Variants in CAMKK1 observed in about 807,000 individuals in gnomAD.
CAMKK1 encodes calcium/calmodulin-dependent protein kinase kinase 1.
Under a neutral mutation model 63.5 loss-of-function variants are expected in CAMKK1, and 20 were observed. The ratio of observed to expected loss-of-function variants is 0.32; its 90% CI spans 0.22 to 0.46. The LOEUF is 0.46. Ranked by LOEUF, CAMKK1 falls within the 20% of genes least tolerant of loss-of-function variation. The pLI is 1.00. For missense variants in CAMKK1, 588 were observed against 658.1 expected (o/e 0.89, Z 1.17); for synonymous variants, 253 against 269.0 (o/e 0.94, Z 0.58).
In CAMKK1 at chr17:3,882,259, G is replaced by A. The variant is rs751203583; in HGVS notation, c.685+269C>T. 6.2e-7 allele frequency: 1 copy of A among 1,610,406 alleles called. No individual in the cohort carries two copies. Among genetic ancestry groups the A allele is most frequent in the Admixed American group, 1.7e-5 (1 of 59,748 alleles). On this transcript the variant is annotated intron_variant, in intron 7 of 15. Coordinates refer to ENST00000348335, the MANE Select transcript of CAMKK1 (RefSeq NM_032294.3). This position sits in a 1 kb window ranked among gnomAD's most constrained non-coding sequence, Gnocchi z 4.3. ...TGCAGCCTGCTTCCTGCATCTACCT[G>A]AGCGCGCAGCCCACGTGGATCCACT...
At chr17:3,865,710 A>G in intron 15 of CAMKK1, 198 bp downstream of exon 15, 1 of 1,419,314 alleles carries the variant, frequency 7.0e-7, no homozygotes, top group Non-Finnish European at 9.2e-7. Flanking sequence ...GGAATGAAGC[A>G]AGAGCTGGGC....
chr17:3,869,743 G>A (rs2054755840), intron 13 of CAMKK1, 58 bp downstream of exon 13: 1 of 1,603,372 alleles, frequency 6.2e-7, no homozygotes, highest in Non-Finnish European at 8.5e-7. Context: ...CTCCAGAAAG[G>A]GAAAGTGACT....
Position 3,890,797 on chromosome 17 carries a change from C to G in CAMKK1, c.-44+2142G>C, listed in dbSNP as rs797019779. ...TGCCAGGAACACACCTCCCTCTCCT[C>G]TGCTGCCTGGAGGACAGCTCAGACA... is the stretch of plus-strand genomic sequence containing the variant. On this transcript the variant is annotated intron_variant, in intron 1 of 15. Transcript: ENST00000348335. The surrounding 1 kb of genome is among the most constrained non-coding windows in gnomAD (Gnocchi z 6.5). 5.1e-6 allele frequency: 4 copies of G among 779,698 alleles called. No homozygotes were observed. The African/African-American group carries it at 6.7e-5, about 13-fold the overall frequency. 48.3% of individuals were successfully genotyped at this position (779,698 alleles called of 1,614,324 possible).
chr17:3,882,318 C>T lies in CAMKK1; in HGVS notation c.685+210G>A, dbSNP rs746083432. On this transcript the variant is annotated intron_variant, in intron 7 of 15. Transcript: ENST00000348335. The surrounding 1 kb of genome is among the most constrained non-coding windows in gnomAD (Gnocchi z 4.3). ...GCTCAGAGGGAAGCAGGGAGTGGGG[C>T]TTGGCGATATTTGTTGAATCTAACT... The T allele has an allele frequency of 1.9e-6, 3 of 1,613,982 alleles. No individual in the cohort carries two copies. The highest frequency in any genetic ancestry group is 2.2e-5 in the East Asian group (1 of 44,898).
chr17:3,885,394 G>A lies in CAMKK1; in HGVS notation c.294C>T (p.His98=), dbSNP rs564271369. Residue 98 remains histidine (H), a synonymous_variant, in exon 2 of 16, where the codon CAC becomes CAT. Coordinates refer to ENST00000348335, the MANE Select transcript of CAMKK1 (RefSeq NM_032294.3). ...AGPYATGPAS[H]ISPRAWRRPT... ...GCCTCCGCCAGGCCCGGGGGGAGAT[G>A]TGGCTGGCAGGCCCCGTGGCATAAG... 1 of 1,611,518 alleles carries A rather than the reference G, an allele frequency of 6.2e-7. No individual in the cohort carries two copies. The highest frequency in any genetic ancestry group is 2.2e-5 in the East Asian group (1 of 44,816).
rs1186506590 is a variant in CAMKK1, at chr17:3,884,499, C to A, written c.361-72G>T. The A allele has an allele frequency of 4.1e-6, 6 of 1,466,348 alleles. No individual in the cohort carries two copies. The highest frequency in any genetic ancestry group is 4.7e-6 in the Non-Finnish European group (5 of 1,059,074). 90.8% of individuals were successfully genotyped at this position (1,466,348 alleles called of 1,614,324 possible). A position where few individuals can be genotyped will look rare whatever the true frequency, so the allele number is the denominator to read the frequency against. On this transcript the variant is annotated intron_variant, in intron 2 of 15. Transcript: ENST00000348335. This position sits in a 1 kb window ranked among gnomAD's most constrained non-coding sequence, Gnocchi z 4.5. Reference sequence around the variant, plus strand: ...CACTGCTCCTACCTCAGAGCCCGTTCAGGGTCCAATTCTGGCCATAAGCTC... The same window carrying A: ...CACTGCTCCTACCTCAGAGCCCGTTAAGGGTCCAATTCTGGCCATAAGCTC...
intron 1 of CAMKK1, among the ~76,000 whole-genome samples, chr17:3,888,088 A>C (rs1171309979): frequency 6.6e-6 from 1 of 152,204 alleles, no homozygotes; most frequent in East Asian, 1.9e-4. Context: ...AGGCAACCCC[A>C]GCAAGCCTCA....
intron 9 of CAMKK1, 48 bp from the exon 10 acceptor site, chr17:3,876,470 G>A: frequency 6.6e-7 from 1 of 1,522,460 alleles, no homozygotes; most frequent in Non-Finnish European, 9.1e-7. Flanking sequence ...GGCACCGCTG[G>A]CCAGGACCCC....
At chr17:3,868,843 T>C (rs1399368288) in intron 14 of CAMKK1, among the ~76,000 whole-genome samples, 3 of 151,040 alleles carry the variant, frequency 2.0e-5, no homozygotes, top group South Asian at 4.2e-4. Flanking sequence ...TTAGTAGAGG[T>C]GGGGTTTCGC....
At chr17:3,871,530 C>CG (rs1415964620) in intron 12 of CAMKK1, among the ~76,000 whole-genome samples, 2 of 141,762 alleles carry the variant, frequency 1.4e-5, no homozygotes, top group African/African-American at 5.5e-5. Context: ...AATTTTTTTT[C>CG]TATTTTTAGT....
At position 3,860,725 on chromosome 17, in the gene CAMKK1, T is replaced by C. The variant is rs930221437; in HGVS notation, c.*1486A>G. 8 of 152,344 alleles carry C rather than the reference T, an allele frequency of 5.3e-5. No homozygotes were observed. The highest frequency in any genetic ancestry group is 1.9e-4 in the East Asian group (1 of 5,192). The allele number at this position is 152,344 out of a possible 1,614,324, so 9.4% of individuals were successfully genotyped here. A position where few individuals can be genotyped will look rare whatever the true frequency, so the allele number is the denominator to read the frequency against. On this transcript the variant is annotated 3_prime_UTR_variant, in exon 16 of 16. Transcript: ENST00000348335. ...GGCACATTCGGCTCCTAGCCTTAAATAGACGTAGAAACTGTATTACAGATG... is the reference window on the plus strand; with the variant it reads ...GGCACATTCGGCTCCTAGCCTTAAACAGACGTAGAAACTGTATTACAGATG...
At chr17:3,865,068 G>A in intron 15 of CAMKK1, 1 of 925,744 alleles carries the variant, frequency 1.1e-6, no homozygotes, top group Non-Finnish European at 1.3e-6. Context: ...CCAGAGGAAG[G>A]CAGTGGCTGT....
chr17:3,883,770 G>A lies in CAMKK1; in HGVS notation c.462+114C>T. Reference sequence around the variant, plus strand: ...TTCCTTTGCATACCCCTAGGGACAGGGAGCTCACTCTCAGGCAGCCCTGTC... The same window carrying A: ...TTCCTTTGCATACCCCTAGGGACAGAGAGCTCACTCTCAGGCAGCCCTGTC... On this transcript the variant is annotated intron_variant, in intron 4 of 15. Coordinates refer to ENST00000348335, the MANE Select transcript of CAMKK1 (RefSeq NM_032294.3). This position sits in a 1 kb window ranked among gnomAD's most constrained non-coding sequence, Gnocchi z 4.7. 9.9e-7 allele frequency: 1 copy of A among 1,006,342 alleles called. No homozygotes were observed. Among genetic ancestry groups the A allele is most frequent in the Non-Finnish European group, 1.6e-6 (1 of 639,420 alleles). 62.3% of individuals were successfully genotyped at this position (1,006,342 alleles called of 1,614,324 possible).
At chr17:3,870,611 T>C (rs146356241) in intron 12 of CAMKK1, among the ~76,000 whole-genome samples, 10,630 of 152,122 alleles carry the variant, frequency 0.07, 546 homozygotes, top group East Asian at 0.27. Context: ...ATGATCCGCC[T>C]GCCTTGGCCT....
intron 1 of CAMKK1, among the ~76,000 whole-genome samples, chr17:3,886,117 A>G (rs1032674690): frequency 6.6e-6 from 1 of 152,250 alleles, no homozygotes; most frequent in Non-Finnish European, 1.5e-5. Flanking sequence ...GTGAGTCATG[A>G]GTCCCAACCC....
At chr17:3,869,425 G>C (rs997570642) in intron 14 of CAMKK1, 62 bp downstream of exon 14, 71 of 1,604,228 alleles carry the variant, frequency 4.4e-5, no homozygotes, top group Non-Finnish European at 5.8e-5. Context: ...GCCAGGCACA[G>C]AGCAAGGCTC....
At position 3,883,524 on chromosome 17, in the gene CAMKK1, G is replaced by A. The variant is rs1033335300; in HGVS notation, c.463-44C>T. On this transcript the variant is annotated intron_variant, in intron 4 of 15. Coordinates refer to ENST00000348335, the MANE Select transcript of CAMKK1 (RefSeq NM_032294.3). This position sits in a 1 kb window ranked among gnomAD's most constrained non-coding sequence, Gnocchi z 4.7. ...AAATGTCACTACTGTGCAGCCACCA[G>A]GGGCTAGAACAGGCTGGTACATGTG... is the stretch of plus-strand genomic sequence containing the variant. 4.0e-6 allele frequency: 6 copies of A among 1,506,934 alleles called. No homozygotes were observed. Among genetic ancestry groups the A allele is most frequent in the African/African-American group, 2.8e-5 (2 of 72,628 alleles). The allele number at this position is 1,506,934 out of a possible 1,614,324, so 93.3% of individuals were successfully genotyped here.
chr17:3,862,118 C>T lies in CAMKK1; in HGVS notation c.*93G>A. 9.5e-7 allele frequency: 1 copy of T among 1,051,426 alleles called. No homozygotes were observed. Among genetic ancestry groups the T allele is most frequent in the South Asian group, 1.4e-5 (1 of 72,162 alleles). The allele number at this position is 1,051,426 out of a possible 1,614,324, so 65.1% of individuals were successfully genotyped here. On this transcript the variant is annotated 3_prime_UTR_variant, in exon 16 of 16. Coordinates refer to ENST00000348335, the MANE Select transcript of CAMKK1 (RefSeq NM_032294.3). The surrounding 1 kb of genome is among the most constrained non-coding windows in gnomAD (Gnocchi z 4.1). ...GGGAGTGGGGCTGCAGTCCCCAGCCCCCTGCCTGCGGGGGCGGCTGTTGCA... is the reference window on the plus strand; with the variant it reads ...GGGAGTGGGGCTGCAGTCCCCAGCCTCCTGCCTGCGGGGGCGGCTGTTGCA...
At chr17:3,870,567 G>A (rs774374877) in intron 12 of CAMKK1, among the ~76,000 whole-genome samples, 18 of 152,014 alleles carry the variant, frequency 1.2e-4, no homozygotes, top group East Asian at 5.8e-4. Flanking sequence ...GGGTTTCACC[G>A]TGTTAGCCAG....
Sources: gnomAD v4.1 joint callset for allele counts (sites outside exome capture counted in the v4.1 genomes callset) on GRCh38, gnomAD v4.1.1 for gene constraint, Gnocchi (gnomAD v3.1) non-coding constraint, MANE v1.5 for transcripts, NCBI Gene and HGNC (gene_info 2026-07-23, HGNC 2026-07-21) for gene names.